The following PPP1R37 variants were observed in gnomAD, a reference collection of about 807,000 sequenced individuals.
The protein encoded by PPP1R37 is protein phosphatase 1 regulatory subunit 37.
A neutral mutation model predicts 61.0 loss-of-function variants in PPP1R37; 21 were observed. That is an observed-to-expected ratio of 0.34 (90% CI 0.24 to 0.50). The LOEUF (loss-of-function observed/expected upper bound fraction) is 0.50. Ranked by LOEUF, PPP1R37 falls within the 20% of genes least tolerant of loss-of-function variation. The pLI is 0.98. For missense variants in PPP1R37, 910 were observed against 952.7 expected (o/e 0.96, Z 0.59); for synonymous variants, 443 against 433.5 (o/e 1.02, Z -0.27).
At chr19:45,128,663 G>A in intron 1 of PPP1R37, 1 of 1,231,680 alleles carries the variant, frequency 8.1e-7, no homozygotes, top group Non-Finnish European at 1.2e-6. Context: ...GCTTCGTGGT[G>A]CTCAAAGGCT....
chr19:45,142,230 A>G lies in PPP1R37; in HGVS notation c.718+19A>G. 1 of 1,532,852 alleles carries G rather than the reference A, an allele frequency of 6.5e-7. No individual in the cohort carries two copies. 95.0% of individuals were successfully genotyped at this position (1,532,852 alleles called of 1,614,324 possible). ...CTGCTCGGTGAGCCCCAAGCCCGGG[A>G]GGGTGAGCAGGATGTGCAGCCTGTT... On this transcript the variant is annotated intron_variant, in intron 6 of 12. Transcript: ENST00000221462.
rs570067072 is a variant in PPP1R37 at position 45,130,357 on chromosome 19, A to G, written c.203-8157A>G. Reference sequence around the variant, plus strand: ...GCCCCCAGTGGCTCCGGTCTCCTGCAGAATGAGAGCGAAGTCCTCACCAGG... The same window carrying G: ...GCCCCCAGTGGCTCCGGTCTCCTGCGGAATGAGAGCGAAGTCCTCACCAGG... On this transcript the variant is annotated intron_variant, in intron 1 of 12. Coordinates refer to ENST00000221462, the MANE Select transcript of PPP1R37 (RefSeq NM_019121.2). This position sits in a 1 kb window ranked among gnomAD's most constrained non-coding sequence, Gnocchi z 4.4. Among the ~76,000 whole-genome samples, 1 of 152,298 alleles carries G rather than the reference A, an allele frequency of 6.6e-6. No homozygotes were observed. The highest frequency in any genetic ancestry group is 2.1e-4 in the South Asian group (1 of 4,830).
rs151033513 is a variant in PPP1R37, at chr19:45,114,353, C to T, written c.202+20826C>T. On this transcript the variant is annotated intron_variant, in intron 1 of 12. Transcript: ENST00000221462. ...TCTGGAACACATGCACTCCTTGTTC[C>T]TCTTTCTCTCTTCAGAACGTCTTCC... Among the ~76,000 whole-genome samples, 444 of 152,364 alleles carry T rather than the reference C, an allele frequency of 2.9e-3. 2 individuals are homozygous for T. The highest frequency in any genetic ancestry group is 1.0e-2 in the African/African-American group (414 of 41,590).
At chr19:45,123,487 C>T (rs1234083221) in intron 1 of PPP1R37, among the ~76,000 whole-genome samples, 1 of 152,246 alleles carries the variant, frequency 6.6e-6, no homozygotes. Flanking sequence ...CTCCCACAAC[C>T]TGTCTGTCCG....
chr19:45,138,141 G>A (rs1304189179), intron 1 of PPP1R37, among the ~76,000 whole-genome samples: 1 of 152,186 alleles, frequency 6.6e-6, no homozygotes, highest in Non-Finnish European at 1.5e-5. Context: ...ACAAAACACC[G>A]AGACAGTGTT....
chr19:45,104,031 C>CT (rs1331365385), intron 1 of PPP1R37, among the ~76,000 whole-genome samples: 2 of 152,002 alleles, frequency 1.3e-5, no homozygotes, highest in African/African-American at 4.8e-5. Flanking sequence ...ACGCCCCTCG[C>CT]TAGTCCCCTG....
chr19:45,145,619 G>C lies in PPP1R37; in HGVS notation c.1563G>C (p.Gly521=). 2 of 1,536,098 alleles carry C rather than the reference G, an allele frequency of 1.3e-6. No homozygotes were observed. The highest frequency in any genetic ancestry group is 1.7e-4 in the Middle Eastern group (1 of 5,990). The change falls in exon 11 of 13, where the codon GGG becomes GGC. Residue 521 remains glycine (G), a synonymous_variant. Transcript: ENST00000221462. ...GGGAGGAAGAGGAGGAAGAGGAAGG[G>C]GAGAGGGACGAGACCCCCTGTCCTG... ...SDGEEEEEEE[G]ERDETPCPAL... is the part of the protein sequence containing the mutation.
intron 1 of PPP1R37, chr19:45,128,684 G>A: frequency 1.7e-6 from 2 of 1,163,028 alleles, no homozygotes; most frequent in Non-Finnish European, 2.5e-6. Context: ...GGCCCTGTAA[G>A]GTCTTTGAGA....
chr19:45,106,531 G>A lies in PPP1R37; in HGVS notation c.202+13004G>A, dbSNP rs58107542. 3.1e-3 allele frequency among the ~76,000 whole-genome samples: 474 copies of A among 151,630 alleles called. 3 individuals are homozygous for A. The highest frequency in any genetic ancestry group is 0.031 in the Middle Eastern group (9 of 292). On this transcript the variant is annotated intron_variant, in intron 1 of 12. Transcript: ENST00000221462. Reference sequence around the variant, plus strand: ...AGCTCTGGGATTACAGGCGTGAGCCGCCGCGCCTGGCCTGTTTGTTTTGAG... The same window carrying A: ...AGCTCTGGGATTACAGGCGTGAGCCACCGCGCCTGGCCTGTTTGTTTTGAG...
chr19:45,098,852 G>C (rs1192311183), intron 1 of PPP1R37, among the ~76,000 whole-genome samples: 1 of 152,058 alleles, frequency 6.6e-6, no homozygotes, highest in Non-Finnish European at 1.5e-5. Context: ...GGGTCGAGGC[G>C]GGTGCTTTGA....
intron 1 of PPP1R37, among the ~76,000 whole-genome samples, chr19:45,127,461 G>C (rs1266330053): frequency 2.0e-5 from 3 of 151,872 alleles, no homozygotes; most frequent in Non-Finnish European, 2.9e-5. Flanking sequence ...GCATGTGGCT[G>C]TGCTGAGTAC....
Position 45,145,764 on chromosome 19 carries a change from G to A in PPP1R37, c.1708G>A (p.Val570Met). The change falls in exon 11 of 13, where the codon GTG becomes ATG. Residue 570 changes from valine to methionine, a missense_variant. Around this residue, in one of 3 missense-constraint regions of PPP1R37, gnomAD observed 549 missense variants for 505.1 expected, o/e 1.09. Transcript: ENST00000221462. Reference protein sequence around the residue: ...SSPGRGHKVFVVTRVESPPER... With the variant: ...SSPGRGHKVFMVTRVESPPER... Reference sequence around the variant, plus strand: ...CCCGGGCCGGGGCCACAAGGTGTTTGTGGTGACCCGGGTGGAGAGCCCGCC... The same window carrying A: ...CCCGGGCCGGGGCCACAAGGTGTTTATGGTGACCCGGGTGGAGAGCCCGCC... The A allele has an allele frequency of 2.0e-6, 3 of 1,520,712 alleles. No individual in the cohort carries two copies. The highest frequency in any genetic ancestry group is 1.8e-4 in the Middle Eastern group (1 of 5,416). 94.2% of individuals were successfully genotyped at this position (1,520,712 alleles called of 1,614,324 possible). A position where few individuals can be genotyped will look rare whatever the true frequency, so the allele number is the denominator to read the frequency against.
At chr19:45,104,193 C>G (rs1032939444) in intron 1 of PPP1R37, among the ~76,000 whole-genome samples, 19 of 152,352 alleles carry the variant, frequency 1.2e-4, no homozygotes, top group African/African-American at 4.6e-4. Context: ...GGACAAAGCT[C>G]TGCTCCGCTC....
chr19:45,127,179 A>G (rs1968415964), intron 1 of PPP1R37, among the ~76,000 whole-genome samples: 1 of 151,966 alleles, frequency 6.6e-6, no homozygotes, highest in South Asian at 2.1e-4. Context: ...GTGAAACCCC[A>G]TCTCTATTAA....
chr19:45,146,596 T>C lies in PPP1R37; in HGVS notation c.*34T>C. 1.4e-6 allele frequency: 1 copy of C among 721,830 alleles called. No individual in the cohort carries two copies. Among genetic ancestry groups the C allele is most frequent in the Non-Finnish European group, 2.3e-6 (1 of 434,440 alleles). 44.7% of individuals were successfully genotyped at this position (721,830 alleles called of 1,614,324 possible). A position where few individuals can be genotyped will look rare whatever the true frequency, so the allele number is the denominator to read the frequency against. On this transcript the variant is annotated 3_prime_UTR_variant, in exon 13 of 13. Transcript: ENST00000221462. ...TTCCCTTTTTCCGGTCGGTCTGCGA[T>C]GAGCTGAGGCCAGAGCCATGAGAAT...
At chr19:45,140,172 T>G in intron 2 of PPP1R37, 64 bp from the exon 3 acceptor site, 4 of 1,402,316 alleles carry the variant, frequency 2.9e-6, no homozygotes, top group Admixed American at 2.0e-5. Context: ...TAGCAGCCAT[T>G]TGGGGCCTCG....
chr19:45,129,311 T>G (rs1270101094), intron 1 of PPP1R37, among the ~76,000 whole-genome samples: 4 of 151,962 alleles, frequency 2.6e-5, no homozygotes. Context: ...TGTGGTTTAT[T>G]TATTTGAGAC....
At position 45,140,563 on chromosome 19, in the gene PPP1R37, A is replaced by G; in HGVS notation, c.404A>G (p.Gln135Arg). The change falls in exon 4 of 13, where the codon CAG becomes CGG. Residue 135 changes from glutamine to arginine, a missense_variant. Physicochemically the swap from Gln to Arg is conservative, Grantham distance 43. Transcript: ENST00000221462. ...CTGGAAGAGGTCTTCAAGAGGCTGC[A>G]GTTCAAGGTCGTGGACCTGGAGCAG... The part of the protein sequence containing the change: ...EALEEVFKRL[Q>R]FKVVDLEQTN... 1 of 1,536,088 alleles carries G rather than the reference A, an allele frequency of 6.5e-7. No individual in the cohort carries two copies.
chr19:45,103,830 G>A (rs912498361), intron 1 of PPP1R37, among the ~76,000 whole-genome samples: 1 of 143,060 alleles, frequency 7.0e-6, no homozygotes, highest in Non-Finnish European at 1.6e-5. Context: ...AGGTGCCAAG[G>A]CCACACAGGT....
Sources: gnomAD v4.1 joint callset for allele counts (sites outside exome capture counted in the v4.1 genomes callset) on GRCh38, gnomAD v4.1.1 for gene constraint, gnomAD v4.1.1 regional missense constraint, Gnocchi (gnomAD v3.1) non-coding constraint, MANE v1.5 for transcripts, NCBI Gene and HGNC (gene_info 2026-07-23, HGNC 2026-07-21) for gene names.